FSTL1: variants seen among roughly 807,000 people sequenced by gnomAD.
The protein encoded by FSTL1 is follistatin like 1.
In FSTL1, 24 loss-of-function variants were observed where a neutral mutation model predicts 45.9. The observed-to-expected ratio is 0.52, with a 90% confidence interval of 0.38 to 0.74. The LOEUF (loss-of-function observed/expected upper bound fraction) is 0.74, where lower values mean the gene tolerates loss of function less well. Among genes scored for constraint, FSTL1 ranks in the 30% least tolerant of loss-of-function variants. The pLI, the probability that FSTL1 is intolerant of heterozygous loss-of-function variation, is 0.00. For synonymous variants in FSTL1, 120 were observed against 137.6 expected (o/e 0.87, Z 0.89); for missense variants, 340 against 381.8 (o/e 0.89, Z 0.91).
intron 3 of FSTL1, among the ~76,000 whole-genome samples, chr3:120,414,717 A>G (rs36191604): frequency 0.33 from 49,467 of 148,118 alleles, 8,782 homozygotes; most frequent in Non-Finnish European, 0.38. Context: ...TCTGAAACAT[A>G]TGCTGTGTCC....
intron 10 of FSTL1, among the ~76,000 whole-genome samples, chr3:120,398,019 T>C (rs1440793264): frequency 6.6e-6 from 1 of 152,222 alleles, no homozygotes; most frequent in Non-Finnish European, 1.5e-5. Context: ...TGTTGTATGA[T>C]ACCACTGTAA....
chr3:120,403,397 T>A (rs1442001335), intron 7 of FSTL1, 43 bp from the exon 8 acceptor site: 2 of 1,202,848 alleles, frequency 1.7e-6, no homozygotes, highest in East Asian at 4.7e-5. Context: ...AGACCTCAGC[T>A]TCGCTCAGAA....
At chr3:120,401,828 T>A (rs1465472548) in intron 9 of FSTL1, among the ~76,000 whole-genome samples, 1 of 152,186 alleles carries the variant, frequency 6.6e-6, no homozygotes. Context: ...CACTTTGGCC[T>A]CCCCAAGTGT....
At chr3:120,442,336 G>A (rs1008764380) in intron 2 of FSTL1, among the ~76,000 whole-genome samples, 1 of 152,152 alleles carries the variant, frequency 6.6e-6, no homozygotes. Context: ...CAAAGCCCTC[G>A]CTCTTAACTG....
chr3:120,411,844 C>A lies in FSTL1; in HGVS notation c.298+10G>T. 1 of 1,612,306 alleles carries A rather than the reference C, an allele frequency of 6.2e-7. No homozygotes were observed. Among genetic ancestry groups the A allele is most frequent in the Non-Finnish European group, 8.5e-7 (1 of 1,178,634 alleles). On this transcript the variant is annotated intron_variant, in intron 4 of 10. Coordinates refer to ENST00000295633, the MANE Select transcript of FSTL1 (RefSeq NM_007085.5). The stretch of plus-strand genomic sequence containing the variant: ...TAAAGCTGCCTTGCAGTGGTGAGAG[C>A]ACACCTTACCTTTGCAGTGTCCATC...
intron 2 of FSTL1, among the ~76,000 whole-genome samples, chr3:120,421,849 G>T (rs190376992): frequency 1.1e-4 from 17 of 152,036 alleles, no homozygotes; most frequent in Non-Finnish European, 2.4e-4. Flanking sequence ...GGTTTTGTGG[G>T]GCCTCAAGCT....
intron 2 of FSTL1, among the ~76,000 whole-genome samples, chr3:120,417,348 C>T (rs531502666): frequency 6.6e-6 from 1 of 152,348 alleles, no homozygotes; most frequent in South Asian, 2.1e-4. Flanking sequence ...TACAGCTAGT[C>T]TGCTGCCACC....
chr3:120,441,084 G>A (rs1203312136), intron 2 of FSTL1, among the ~76,000 whole-genome samples: 2 of 152,196 alleles, frequency 1.3e-5, no homozygotes, highest in Non-Finnish European at 2.9e-5. Flanking sequence ...TTCTTACCCT[G>A]TCTTTGAGAG....
At chr3:120,435,371 A>G (rs1054831024) in intron 2 of FSTL1, among the ~76,000 whole-genome samples, 4 of 152,208 alleles carry the variant, frequency 2.6e-5, no homozygotes, top group Non-Finnish European at 4.4e-5. Flanking sequence ...TAAAATTAAC[A>G]GAGTTTCCCA....
At chr3:120,422,635 T>C (rs759946601) in intron 2 of FSTL1, among the ~76,000 whole-genome samples, 2 of 152,188 alleles carry the variant, frequency 1.3e-5, no homozygotes, top group African/African-American at 4.8e-5. Context: ...ATAAGAGATA[T>C]ATCGCCTGAC....
intron 2 of FSTL1, among the ~76,000 whole-genome samples, chr3:120,425,157 T>A (rs1207307433): frequency 6.6e-6 from 1 of 151,554 alleles, no homozygotes; most frequent in East Asian, 1.9e-4. Flanking sequence ...GCTAGCAGAG[T>A]GTAGTTTGGA....
At chr3:120,416,492 G>A (rs1444228947) in intron 2 of FSTL1, among the ~76,000 whole-genome samples, 1 of 152,190 alleles carries the variant, frequency 6.6e-6, no homozygotes. Context: ...GAGGAAGAGG[G>A]TGAGAATTTT....
Position 120,403,235 on chromosome 3 carries a change from G to C in FSTL1, c.694+7C>G. On this transcript the variant is annotated splice_region_variant and intron_variant, in intron 8 of 10. Transcript: ENST00000295633. ...CTACAGCTCTCTATTTCTTAGGTTAGGCATACTCTTCTCAGGAGGGTTGAA... is the reference window on the plus strand; with the variant it reads ...CTACAGCTCTCTATTTCTTAGGTTACGCATACTCTTCTCAGGAGGGTTGAA... The C allele has an allele frequency of 6.9e-7, 1 of 1,458,730 alleles. No homozygotes were observed. Among genetic ancestry groups the C allele is most frequent in the Non-Finnish European group, 9.6e-7 (1 of 1,038,118 alleles). The allele number at this position is 1,458,730 out of a possible 1,614,324, so 90.4% of individuals were successfully genotyped here.
chr3:120,407,709 G>A (rs1392846411), intron 6 of FSTL1, among the ~76,000 whole-genome samples: 1 of 152,226 alleles, frequency 6.6e-6, no homozygotes, highest in Non-Finnish European at 1.5e-5. Flanking sequence ...GTAAGACTCT[G>A]ATAATCATCA....
intron 2 of FSTL1, among the ~76,000 whole-genome samples, chr3:120,433,775 G>A (rs559949326): frequency 5.9e-5 from 9 of 152,254 alleles, no homozygotes; most frequent in African/African-American, 2.2e-4. Context: ...AAGGATGAGA[G>A]CAATTCAGAC....
At chr3:120,439,493 A>G (rs1470917067) in intron 2 of FSTL1, among the ~76,000 whole-genome samples, 3 of 152,260 alleles carry the variant, frequency 2.0e-5, no homozygotes, top group African/African-American at 7.2e-5. Context: ...GGCCTAGTAC[A>G]AAAACTTTGC....
chr3:120,400,192 C>T (rs1433359517), intron 9 of FSTL1: 4 of 548,102 alleles, frequency 7.3e-6, no homozygotes, highest in Non-Finnish European at 1.3e-5. Context: ...GCCTTTGTTC[C>T]TTTAACTGCT....
intron 10 of FSTL1, among the ~76,000 whole-genome samples, chr3:120,397,579 CG>C (rs555399801): frequency 1.3e-5 from 2 of 152,268 alleles, no homozygotes; most frequent in African/African-American, 4.8e-5. Flanking sequence ...ACTTGACACC[CG>C]CTAGGACAGC....
chr3:120,400,797 C>T (rs1936806009), intron 9 of FSTL1, among the ~76,000 whole-genome samples: 1 of 152,336 alleles, frequency 6.6e-6, no homozygotes, highest in East Asian at 1.9e-4. Context: ...AGAATGCTGG[C>T]TCCACAAACT....
Sources: gnomAD v4.1 joint callset for allele counts (sites outside exome capture counted in the v4.1 genomes callset) on GRCh38, gnomAD v4.1.1 for gene constraint, MANE v1.5 for transcripts, NCBI Gene and HGNC (gene_info 2026-07-23, HGNC 2026-07-21) for gene names.